The following CFHR3 variants were observed in gnomAD, a reference collection of about 807,000 sequenced individuals.
CFHR3 encodes the protein complement factor H-related protein 3.
In CFHR3, 22 loss-of-function variants were observed where a neutral mutation model predicts 36.0. The ratio of observed to expected loss-of-function variants is 0.61; its 90% CI spans 0.44 to 0.87. The LOEUF is 0.87. Ranked by LOEUF, CFHR3 falls within the 40% of genes least tolerant of loss-of-function variation. The pLI, the probability that CFHR3 is intolerant of heterozygous loss-of-function variation, is 0.00. For missense variants in CFHR3, 276 were observed against 401.3 expected, an observed-to-expected ratio of 0.69 and a Z score of 2.67; for synonymous variants, 97 against 137.4, an observed-to-expected ratio of 0.71 and a Z score of 2.06.
intron 1 of CFHR3, among the ~76,000 whole-genome samples, chr1:196,777,151 T>G (rs1653755015): frequency 7.3e-6 from 1 of 136,970 alleles, no homozygotes; most frequent in Admixed American, 7.0e-5. Flanking sequence ...AAGATAAACT[T>G]GACAGAAAAT....
In CFHR3 at chr1:196,777,500, T is replaced by C. The variant is rs2124838521; in HGVS notation, c.59-1662T>C. ...TTTAACTAAGAAGCTGGCTTCTGTG[T>C]ATATTTCACGTGTCCCCATTACACT... On this transcript the variant is annotated intron_variant, in intron 1 of 5. Coordinates refer to ENST00000367425, the MANE Select transcript of CFHR3 (RefSeq NM_021023.6). Among the ~76,000 whole-genome samples, 2 of 136,596 alleles carry C rather than the reference T, an allele frequency of 1.5e-5. 1 individual carries two copies. Among genetic ancestry groups the C allele is most frequent in the South Asian group, 5.1e-4 (2 of 3,960 alleles). 89.6% of individuals were successfully genotyped at this position (136,596 alleles called of 152,430 possible).
In CFHR3 at chr1:196,783,904, A is replaced by G. The variant is rs555234588; in HGVS notation, c.430+3931A>G. On this transcript the variant is annotated intron_variant, in intron 3 of 5. Coordinates refer to ENST00000367425, the MANE Select transcript of CFHR3 (RefSeq NM_021023.6). ...TTTTAATTGTGATGTTAGGGTGTCA[A>G]TTTTGGATCTTTCCTGCTTTCTCTT... 6.9e-3 allele frequency among the ~76,000 whole-genome samples: 926 copies of G among 133,808 alleles called. 245 individuals carry two copies. The highest frequency in any genetic ancestry group is 0.029 in the African/African-American group (902 of 31,464). 87.8% of individuals were successfully genotyped at this position (133,808 alleles called of 152,430 possible).
At position 196,779,218 on chromosome 1, in the gene CFHR3, C is replaced by A. The variant is rs143890724; in HGVS notation, c.115C>A (p.Arg39Ser). ...KHGGLFHENM[R>S]RPYFPVAVGK... is the part of the protein sequence containing the mutation. Reference sequence around the variant, plus strand: ...TGGAGGTCTATTTCATGAGAATATGCGTAGACCATACTTTCCAGTAGCTGT... The same window carrying A: ...TGGAGGTCTATTTCATGAGAATATGAGTAGACCATACTTTCCAGTAGCTGT... Residue 39 changes from arginine to serine, a missense_variant, in exon 2 of 6, where the codon CGT becomes AGT. Arg to Ser is a moderately radical substitution (Grantham distance 110). This residue lies in a region of CFHR3 where 178 missense variants were observed against 247.2 expected (regional missense o/e 0.72). Transcript: ENST00000367425. 3.3e-6 allele frequency: 5 copies of A among 1,529,036 alleles called. 1 individual carries two copies. The highest frequency in any genetic ancestry group is 1.2e-5 in the South Asian group (1 of 80,586). 94.7% of individuals were successfully genotyped at this position (1,529,036 alleles called of 1,614,324 possible). A position where few individuals can be genotyped will look rare whatever the true frequency, so the allele number is the denominator to read the frequency against.
In CFHR3 at chr1:196,794,088, G is replaced by A. The variant is rs1335440747; in HGVS notation, c.*575G>A. On this transcript the variant is annotated 3_prime_UTR_variant, in exon 6 of 6. Transcript: ENST00000367425. The stretch of plus-strand genomic sequence containing the variant: ...CATTTTCCTGTGAAAAAAGAAAAGA[G>A]GTTTTGCTAACCCTTTCAGAGCATT... The A allele has an allele frequency of 7.1e-6, 1 of 141,148 alleles. No homozygotes were observed. Among genetic ancestry groups the A allele is most frequent in the Non-Finnish European group, 1.5e-5 (1 of 67,556 alleles). 8.7% of individuals were successfully genotyped at this position (141,148 alleles called of 1,614,324 possible). A position where few individuals can be genotyped will look rare whatever the true frequency, so the allele number is the denominator to read the frequency against.
At position 196,794,238 on chromosome 1, in the gene CFHR3, C is replaced by G. The variant is rs73073599; in HGVS notation, c.*725C>G. ...CTAGCACTTTGAGAGGCCAAGCTGG[C>G]AATCATCAGAGGTCAAAAGTTCAAG... On this transcript the variant is annotated 3_prime_UTR_variant, in exon 6 of 6. Coordinates refer to ENST00000367425, the MANE Select transcript of CFHR3 (RefSeq NM_021023.6). Among the ~76,000 whole-genome samples, 40,583 of 135,432 alleles carry G rather than the reference C, an allele frequency of 0.3. 12,169 individuals are homozygous for G. The highest frequency in any genetic ancestry group is 0.53 in the East Asian group (2,681 of 5,074). The allele number at this position is 135,432 out of a possible 152,430, so 88.8% of individuals were successfully genotyped here.
In CFHR3 at chr1:196,793,034, G is replaced by A. The variant is rs1314246428; in HGVS notation, c.797-283G>A. Among the ~76,000 whole-genome samples the A allele has an allele frequency of 1.1e-4, 15 of 135,106 alleles. 5 individuals carry two copies. Among genetic ancestry groups the A allele is most frequent in the African/African-American group, 4.4e-4 (14 of 31,910 alleles). 88.6% of individuals were successfully genotyped at this position (135,106 alleles called of 152,430 possible). ...TTTTTGATATGAAGTCACTAGGGTG[G>A]ACACAACATATTTTAGGAAAGAAGA... On this transcript the variant is annotated intron_variant, in intron 5 of 5. Coordinates refer to ENST00000367425, the MANE Select transcript of CFHR3 (RefSeq NM_021023.6).
chr1:196,787,004 C>T (rs1014429520), intron 3 of CFHR3, among the ~76,000 whole-genome samples: 5 of 137,806 alleles, frequency 3.6e-5, no homozygotes, highest in Admixed American at 7.0e-5. Context: ...AATTAAGGCT[C>T]ATCTTCAGTT....
intron 4 of CFHR3, chr1:196,789,829 T>A: frequency 8.9e-7 from 1 of 1,122,068 alleles, no homozygotes; most frequent in Non-Finnish European, 1.2e-6. Context: ...CATATGTATA[T>A]GTACACATAT....
intron 5 of CFHR3, among the ~76,000 whole-genome samples, chr1:196,792,917 A>G (rs892369904): frequency 1.5e-5 from 2 of 136,738 alleles, no homozygotes; most frequent in African/African-American, 3.1e-5. Flanking sequence ...GCAAAATGTG[A>G]GTACATTTGG....
intron 3 of CFHR3, among the ~76,000 whole-genome samples, chr1:196,782,087 AG>A (rs1191009927): frequency 7.3e-6 from 1 of 136,992 alleles, no homozygotes; most frequent in Non-Finnish European, 1.5e-5. Flanking sequence ...TGTTTTTCTC[AG>A]GTTTGTCAAA....
rs1654498461 is a variant in CFHR3 at position 196,793,555 on chromosome 1, T to A, written c.*42T>A. The A allele has an allele frequency of 6.8e-7, 1 of 1,463,266 alleles. No homozygotes were observed. Among genetic ancestry groups the A allele is most frequent in the African/African-American group, 1.7e-5 (1 of 58,620 alleles). The allele number at this position is 1,463,266 out of a possible 1,614,324, so 90.6% of individuals were successfully genotyped here. A position where few individuals can be genotyped will look rare whatever the true frequency, so the allele number is the denominator to read the frequency against. ...TAAATGTATGTCCAACTTCCACTTT[T>A]CCACTTCTCACTCTTATGGTCTCAA... On this transcript the variant is annotated 3_prime_UTR_variant, in exon 6 of 6. Coordinates refer to ENST00000367425, the MANE Select transcript of CFHR3 (RefSeq NM_021023.6).
At position 196,779,139 on chromosome 1, in the gene CFHR3, TTTTG is replaced by T. The variant is rs777435235; in HGVS notation, c.59-15_59-12del. On this transcript the variant is annotated intron_variant, in intron 1 of 5. Transcript: ENST00000367425. ...ATTACAGTAAAAATTATTTATACTTTTTTGTTTGTTTTTTATTGCAAGTGAAACC... is the reference window on the plus strand; with the variant it reads ...ATTACAGTAAAAATTATTTATACTTTTTTGTTTTTTATTGCAAGTGAAACC... 6.2e-6 allele frequency: 9 copies of T among 1,460,396 alleles called. No individual in the cohort carries two copies. In the East Asian group the frequency reaches 6.8e-5, roughly 11 times the overall value. The allele number at this position is 1,460,396 out of a possible 1,614,324, so 90.5% of individuals were successfully genotyped here. A position where few individuals can be genotyped will look rare whatever the true frequency, so the allele number is the denominator to read the frequency against.
chr1:196,791,725 A>T (rs1654434908), intron 5 of CFHR3, among the ~76,000 whole-genome samples: 1 of 132,794 alleles, frequency 7.5e-6, no homozygotes, highest in Non-Finnish European at 1.6e-5. Context: ...TGAAGAAGAA[A>T]TTAGTATCCT....
chr1:196,778,522 GA>G (rs1259224756), intron 1 of CFHR3, among the ~76,000 whole-genome samples: 1 of 135,828 alleles, frequency 7.4e-6, no homozygotes, highest in Admixed American at 7.2e-5. Context: ...CATACATATA[GA>G]ATGTAAGAAT....
chr1:196,782,366 G>A lies in CFHR3; in HGVS notation c.430+2393G>A, dbSNP rs1197736498. 6.6e-5 allele frequency among the ~76,000 whole-genome samples: 9 copies of A among 136,688 alleles called. 3 individuals carry two copies. Among genetic ancestry groups the A allele is most frequent in the Non-Finnish European group, 1.4e-4 (9 of 64,440 alleles). The allele number at this position is 136,688 out of a possible 152,430, so 89.7% of individuals were successfully genotyped here. A position where few individuals can be genotyped will look rare whatever the true frequency, so the allele number is the denominator to read the frequency against. On this transcript the variant is annotated intron_variant, in intron 3 of 5. Transcript: ENST00000367425. ...AAGTCATTGGTAGCTTGATGGGGATGGCATTGAATCTATAAATTACCTTGG... is the reference window on the plus strand; with the variant it reads ...AAGTCATTGGTAGCTTGATGGGGATAGCATTGAATCTATAAATTACCTTGG...
In CFHR3 at chr1:196,786,196, G is replaced by A. The variant is rs1333173897; in HGVS notation, c.431-2020G>A. On this transcript the variant is annotated intron_variant, in intron 3 of 5. Coordinates refer to ENST00000367425, the MANE Select transcript of CFHR3 (RefSeq NM_021023.6). ...TCAGAGGAGTACCCGGCCGTGTGAG[G>A]TGTCAGTCTGCCCCTACTGGGTGGT... Among the ~76,000 whole-genome samples, 2 of 136,020 alleles carry A rather than the reference G, an allele frequency of 1.5e-5. 1 individual carries two copies. The highest frequency in any genetic ancestry group is 3.1e-5 in the Non-Finnish European group (2 of 64,324). 89.2% of individuals were successfully genotyped at this position (136,020 alleles called of 152,430 possible). A position where few individuals can be genotyped will look rare whatever the true frequency, so the allele number is the denominator to read the frequency against.
rs554449721 is a variant in CFHR3 at position 196,790,289 on chromosome 1, T to A, written c.796+62T>A. 2 of 935,664 alleles carry A rather than the reference T, an allele frequency of 2.1e-6. 1 individual carries two copies. The highest frequency in any genetic ancestry group is 5.9e-5 in the African/African-American group (2 of 33,788). 58.0% of individuals were successfully genotyped at this position (935,664 alleles called of 1,614,324 possible). ...AGTAATAAGTTTGATATTTGCTTTT[T>A]TATACTAGAATTTTTATGGGTTATT... On this transcript the variant is annotated intron_variant, in intron 5 of 5. Coordinates refer to ENST00000367425, the MANE Select transcript of CFHR3 (RefSeq NM_021023.6).
intron 3 of CFHR3, among the ~76,000 whole-genome samples, chr1:196,784,896 T>C (rs1472923449): frequency 7.3e-5 from 10 of 137,092 alleles, no homozygotes; most frequent in Non-Finnish European, 1.5e-4. Context: ...TTCTTCCTAG[T>C]CTCGATGGTC....
Position 196,780,477 on chromosome 1 carries a change from C to G in CFHR3, c.430+504C>G, listed in dbSNP as rs1403327203. ...GTTGAGTGGCTATAAAATGGTATAGCATTGTAATGTAAATTTGCATTTCTT... is the reference window on the plus strand; with the variant it reads ...GTTGAGTGGCTATAAAATGGTATAGGATTGTAATGTAAATTTGCATTTCTT... On this transcript the variant is annotated intron_variant, in intron 3 of 5. Coordinates refer to ENST00000367425, the MANE Select transcript of CFHR3 (RefSeq NM_021023.6). 1.5e-5 allele frequency among the ~76,000 whole-genome samples: 2 copies of G among 137,248 alleles called. 1 individual carries two copies. Among genetic ancestry groups the G allele is most frequent in the Non-Finnish European group, 3.1e-5 (2 of 64,650 alleles). The allele number at this position is 137,248 out of a possible 152,430, so 90.0% of individuals were successfully genotyped here.
Sources: allele counts gnomAD v4.1 joint callset (sites outside exome capture counted in the v4.1 genomes callset), GRCh38; gene constraint gnomAD v4.1.1; regional missense constraint gnomAD v4.1.1; transcripts MANE v1.5; gene names NCBI Gene and HGNC (gene_info 2026-07-23, HGNC 2026-07-21).